NLGN1: variants seen among roughly 807,000 people sequenced by gnomAD.
NLGN1 encodes the protein neuroligin-1.
In NLGN1, 12 loss-of-function variants were observed where a neutral mutation model predicts 65.5. The observed-to-expected ratio is 0.18, with a 90% CI of 0.12 to 0.30. The LOEUF (loss-of-function observed/expected upper bound fraction) is 0.30. Among genes scored for constraint, NLGN1 ranks in the 10% least tolerant of loss-of-function variants. The pLI is 1.00. For missense variants in NLGN1, 750 were observed against 1,007.1 expected (o/e 0.74, Z 3.46); for synonymous variants, 350 against 359.5 (o/e 0.97, Z 0.30).
At chr3:174,112,639 A>G (rs1167841937) in intron 4 of NLGN1, among the ~76,000 whole-genome samples, 3 of 151,956 alleles carry the variant, frequency 2.0e-5, no homozygotes, top group Non-Finnish European at 4.4e-5. Context: ...TTGAAAAGTC[A>G]TTTTAAAATG....
At chr3:173,924,900 AT>A (rs1483901073) in intron 4 of NLGN1, among the ~76,000 whole-genome samples, 1 of 152,066 alleles carries the variant, frequency 6.6e-6, no homozygotes, top group African/African-American at 2.4e-5. Context: ...TACTTGGTAT[AT>A]TTACTAACAT....
intron 4 of NLGN1, among the ~76,000 whole-genome samples, chr3:173,844,249 C>A (rs1217291255): frequency 1.3e-5 from 2 of 152,160 alleles, no homozygotes; most frequent in East Asian, 3.9e-4. Flanking sequence ...TGGGTGGAGA[C>A]ACAGCCAAAC....
intron 4 of NLGN1, among the ~76,000 whole-genome samples, chr3:174,107,657 G>T (rs1386773056): frequency 2.0e-5 from 3 of 152,024 alleles, no homozygotes; most frequent in African/African-American, 7.2e-5. Context: ...ATTCCCAAAA[G>T]TTCCATTGCT....
chr3:173,452,809 A>G (rs1480875471), intron 2 of NLGN1, among the ~76,000 whole-genome samples: 5 of 152,260 alleles, frequency 3.3e-5, no homozygotes, highest in African/African-American at 1.2e-4. Flanking sequence ...GACCATCACA[A>G]TAAAGTGAAT....
chr3:174,105,507 G>C (rs1713524729), intron 4 of NLGN1, among the ~76,000 whole-genome samples: 1 of 152,032 alleles, frequency 6.6e-6, no homozygotes, highest in African/African-American at 2.4e-5. Context: ...TAAGGCCACT[G>C]CACTCCATCC....
intron 4 of NLGN1, among the ~76,000 whole-genome samples, chr3:174,138,880 G>A (rs919545499): frequency 6.6e-6 from 1 of 152,088 alleles, no homozygotes; most frequent in Non-Finnish European, 1.5e-5. Context: ...GGAAAAGGTG[G>A]TGCTGAAGGT....
chr3:173,444,853 CACAT>C (rs576940081), intron 2 of NLGN1, among the ~76,000 whole-genome samples: 6 of 152,022 alleles, frequency 3.9e-5, no homozygotes, highest in Admixed American at 3.3e-4. Context: ...TATATATACA[CACAT>C]ACTCACACAC....
intron 4 of NLGN1, among the ~76,000 whole-genome samples, chr3:173,822,739 G>T (rs775106417): frequency 2.0e-5 from 3 of 151,856 alleles, no homozygotes; most frequent in Non-Finnish European, 2.9e-5. Flanking sequence ...GCTTCTCTGT[G>T]GCTTGCCAAG....
chr3:173,629,927 A>G (rs1755420640), intron 3 of NLGN1, among the ~76,000 whole-genome samples: 1 of 152,204 alleles, frequency 6.6e-6, no homozygotes. Context: ...AACTTTTAAA[A>G]AAGATAGTGT....
chr3:173,991,562 A>T (rs1375258422), intron 4 of NLGN1, among the ~76,000 whole-genome samples: 1 of 152,164 alleles, frequency 6.6e-6, no homozygotes, highest in East Asian at 1.9e-4. Context: ...CAGGGAATAG[A>T]TTTCTCAATT....
intron 1 of NLGN1, among the ~76,000 whole-genome samples, chr3:173,402,831 T>C (rs1717944404): frequency 6.6e-6 from 1 of 152,170 alleles, no homozygotes; most frequent in Non-Finnish European, 1.5e-5. Context: ...CTTACAACTG[T>C]CAATGAGACA....
chr3:173,820,831 T>G (rs901654709), intron 4 of NLGN1, among the ~76,000 whole-genome samples: 1 of 152,186 alleles, frequency 6.6e-6, no homozygotes, highest in African/African-American at 2.4e-5. Context: ...TCACTTTATA[T>G]AGATAATAGG....
chr3:174,067,907 A>C (rs1012064867), intron 4 of NLGN1, among the ~76,000 whole-genome samples: 1 of 152,226 alleles, frequency 6.6e-6, no homozygotes, highest in Non-Finnish European at 1.5e-5. Flanking sequence ...GAAGTTTTCT[A>C]GTATCTGTTC....
intron 1 of NLGN1, among the ~76,000 whole-genome samples, chr3:173,398,957 C>G (rs761893753): frequency 2.0e-5 from 3 of 152,078 alleles, no homozygotes; most frequent in Admixed American, 6.6e-5. Context: ...GTATGTGTAC[C>G]TATGTTTGAG....
At chr3:173,864,874 A>AGGAAATGAGGAGGAGAG (rs773810999) in intron 4 of NLGN1, among the ~76,000 whole-genome samples, 8 of 152,172 alleles carry the variant, frequency 5.3e-5, no homozygotes, top group Admixed American at 1.3e-4. Flanking sequence ...GGTGGAGGAG[A>AGGAAATGAGGAGGAGAG]GAGATGGAAA....
intron 3 of NLGN1, among the ~76,000 whole-genome samples, chr3:173,765,005 T>C (rs13065996): frequency 1.5e-4 from 22 of 151,056 alleles, no homozygotes; most frequent in Admixed American, 1.3e-3. Context: ...TTTGAAAAGA[T>C]GGAGAAGTGA....
chr3:173,551,255 T>A (rs199520791), intron 2 of NLGN1, among the ~76,000 whole-genome samples: 1 of 151,620 alleles, frequency 6.6e-6, no homozygotes, highest in Non-Finnish European at 1.5e-5. Context: ...CAAGCAAAAA[T>A]AGAGTTGAAA....
rs371307322 is a variant in NLGN1, at chr3:173,492,119, G to C, written c.-321+57041G>C. 7.2e-5 allele frequency among the ~76,000 whole-genome samples: 11 copies of C among 151,776 alleles called. No homozygotes were observed. In the East Asian group the frequency reaches 2.1e-3, roughly 29 times the overall value. On this transcript the variant is annotated intron_variant, in intron 2 of 6. Coordinates refer to ENST00000457714, the Ensembl canonical transcript of NLGN1. ...CTATGTATAATTTCTCCAAGCCTCA[G>C]TTCTTTACATAAAATGGTGAAATAA...
chr3:174,030,072 A>G (rs1006665658), intron 4 of NLGN1, among the ~76,000 whole-genome samples: 2 of 151,772 alleles, frequency 1.3e-5, no homozygotes, highest in African/African-American at 4.8e-5. Context: ...ATGGCACTGG[A>G]TAACACATGT....
Sources: allele counts gnomAD v4.1 joint callset (sites outside exome capture counted in the v4.1 genomes callset), GRCh38; gene constraint gnomAD v4.1.1; transcripts MANE v1.5; gene names NCBI Gene and HGNC (gene_info 2026-07-23, HGNC 2026-07-21).